PLEKHG6: variants seen among roughly 807,000 people sequenced by gnomAD.
The protein encoded by PLEKHG6 is pleckstrin homology and RhoGEF domain containing G6.
A neutral mutation model predicts 97.5 loss-of-function variants in PLEKHG6; 91 were observed. The ratio of observed to expected loss-of-function variants is 0.93; its 90% CI spans 0.79 to 1.11. The LOEUF (loss-of-function observed/expected upper bound fraction) is 1.11, where lower values mean the gene tolerates loss of function less well. Ranked by LOEUF, PLEKHG6 falls within the 50% of genes most tolerant of loss-of-function variation. The pLI is 0.00. For synonymous variants in PLEKHG6, 466 were observed against 425.5 expected, an observed-to-expected ratio of 1.10 and a Z score of -1.17; for missense variants, 1,044 against 1,031.0, an observed-to-expected ratio of 1.01 and a Z score of -0.17.
At chr12:6,312,968 T>C in intron 2 of PLEKHG6, 3 of 1,429,702 alleles carry the variant, frequency 2.1e-6, no homozygotes, top group Non-Finnish European at 2.8e-6. Flanking sequence ...CAATGCACGA[T>C]AATTTTGCCT....
rs1037161681 is a variant in PLEKHG6 at position 6,315,271 on chromosome 12, G to T, written c.459+102G>T. The T allele has an allele frequency of 4.2e-6, 5 of 1,189,450 alleles. No individual in the cohort carries two copies. Among genetic ancestry groups the T allele is most frequent in the Non-Finnish European group, 5.8e-6 (5 of 860,624 alleles). 73.7% of individuals were successfully genotyped at this position (1,189,450 alleles called of 1,614,324 possible). A position where few individuals can be genotyped will look rare whatever the true frequency, so the allele number is the denominator to read the frequency against. On this transcript the variant is annotated intron_variant, in intron 4 of 15. Coordinates refer to ENST00000684764, the MANE Select transcript of PLEKHG6 (RefSeq NM_001384598.1). This position sits in a 1 kb window ranked among gnomAD's most constrained non-coding sequence, Gnocchi z 4.5. ...AGGCCTTGGGAAGTGGGGTCATGTG[G>T]AAAAAACATCTGGAAACGCGTTGAT...
In PLEKHG6 at chr12:6,327,484, A is replaced by ACCCCCCC; in HGVS notation, c.1904_1905insCCCCCCC (p.Asp637ProfsTer35). 1 of 333,534 alleles carries ACCCCCCC rather than the reference A, an allele frequency of 3.0e-6. No homozygotes were observed. The highest frequency in any genetic ancestry group is 2.5e-5 in the South Asian group (1 of 40,120). 20.7% of individuals were successfully genotyped at this position (333,534 alleles called of 1,614,324 possible). Reference sequence around the variant, plus strand: ...CTCCGGGACATCCCTCTGCGTCCCCACCCTCCCGACCCCCAAGCTCCTCAA... The same window carrying ACCCCCCC: ...CTCCGGGACATCCCTCTGCGTCCCCACCCCCCCCCCTCCCGACCCCCAAGCTCCTCAA... On this transcript the variant is annotated frameshift_variant, in exon 15 of 16. Transcript: ENST00000684764. LOFTEE classifies it high-confidence loss of function.
chr12:6,318,806 C>T lies in PLEKHG6; in HGVS notation c.1337C>T (p.Ala446Val), dbSNP rs374722336. 49 of 1,614,050 alleles carry T rather than the reference C, an allele frequency of 3.0e-5. No individual in the cohort carries two copies. Among genetic ancestry groups the T allele is most frequent in the Non-Finnish European group, 3.8e-5 (45 of 1,180,008 alleles). The change falls in exon 12 of 16, where the codon GCG (alanine) becomes GTG (valine). Residue 446 changes from alanine to valine, a missense_variant. Ala to Val is a moderately conservative substitution (Grantham distance 64). Coordinates refer to ENST00000684764, the MANE Select transcript of PLEKHG6 (RefSeq NM_001384598.1). Reference sequence around the variant, plus strand: ...CTTGTGACCAAGCCCCAGCGCAAGGCGGACAAAGCCAAGGTCATCCGACCC... The same window carrying T: ...CTTGTGACCAAGCCCCAGCGCAAGGTGGACAAAGCCAAGGTCATCCGACCC... ...VLLVTKPQRK[A>V]DKAKVIRPPL...
Position 6,315,001 on chromosome 12 carries a change from C to T in PLEKHG6, c.295-4C>T, listed in dbSNP as rs199752767. On this transcript the variant is annotated splice_region_variant and splice_polypyrimidine_tract_variant and intron_variant, in intron 3 of 15. Coordinates refer to ENST00000684764, the MANE Select transcript of PLEKHG6 (RefSeq NM_001384598.1). This position sits in a 1 kb window ranked among gnomAD's most constrained non-coding sequence, Gnocchi z 4.5. ...AGAGCTGATGCCCTTCTCGGCTCCCCCAGGAACTCACCAAGGCCCATGAGC... is the reference window on the plus strand; with the variant it reads ...AGAGCTGATGCCCTTCTCGGCTCCCTCAGGAACTCACCAAGGCCCATGAGC... The T allele has an allele frequency of 9.3e-6, 15 of 1,612,788 alleles. No homozygotes were observed. In the African/African-American group the frequency reaches 1.7e-4, roughly 19 times the overall value.
intron 13 of PLEKHG6, among the ~76,000 whole-genome samples, chr12:6,324,920 G>A (rs957648681): frequency 3.9e-5 from 6 of 152,140 alleles, no homozygotes; most frequent in African/African-American, 1.2e-4. Flanking sequence ...AGAAAGGAGC[G>A]CTGCACTAGA....
chr12:6,312,956 C>G (rs1947325158), intron 2 of PLEKHG6: 6 of 1,424,616 alleles, frequency 4.2e-6, no homozygotes, highest in Non-Finnish European at 4.6e-6. Flanking sequence ...CATCCCCTGC[C>G]TCAATGCACG....
At chr12:6,320,066 G>A (rs1447239352) in intron 13 of PLEKHG6, among the ~76,000 whole-genome samples, 1 of 152,198 alleles carries the variant, frequency 6.6e-6, no homozygotes, top group Non-Finnish European at 1.5e-5. Context: ...AAACAGTTGT[G>A]TGTGTTGAGA....
At chr12:6,322,881 A>G (rs1416069565) in intron 13 of PLEKHG6, among the ~76,000 whole-genome samples, 1 of 147,748 alleles carries the variant, frequency 6.8e-6, no homozygotes. Context: ...ACCTTGTCTA[A>G]AAAAAAAAAA....
chr12:6,313,749 G>T lies in PLEKHG6; in HGVS notation c.259G>T (p.Val87Leu). The change falls in exon 3 of 16, where the codon GTG becomes TTG. Residue 87 changes from valine (V) to leucine (L), a missense_variant. Transcript: ENST00000684764. ...PEPEKRHGGH[V>L]GAGLLHSPKL... ...GCCCGAGAAGAGGCACGGGGGCCAT[G>T]TGGGGGCTGGCCTGCTTCACTCCCC... is the stretch of plus-strand genomic sequence containing the variant. 6.2e-7 allele frequency: 1 copy of T among 1,606,694 alleles called. No individual in the cohort carries two copies. The highest frequency in any genetic ancestry group is 1.1e-5 in the South Asian group (1 of 90,192).
Position 6,312,669 on chromosome 12 carries a change from C to G in PLEKHG6, c.138+305C>G, listed in dbSNP as rs1002141734. The G allele has an allele frequency of 2.5e-6, 3 of 1,193,930 alleles. No individual in the cohort carries two copies. The African/African-American group carries it at 4.8e-5, about 19-fold the overall frequency. The allele number at this position is 1,193,930 out of a possible 1,614,324, so 74.0% of individuals were successfully genotyped here. On this transcript the variant is annotated intron_variant, in intron 2 of 15. Coordinates refer to ENST00000684764, the MANE Select transcript of PLEKHG6 (RefSeq NM_001384598.1). ...TAAGGTCATCAAACCCCAGAGCTGGCGCCTCCCAGGCTCCCGCCTCTGCTT... is the reference window on the plus strand; with the variant it reads ...TAAGGTCATCAAACCCCAGAGCTGGGGCCTCCCAGGCTCCCGCCTCTGCTT...
chr12:6,311,268 C>T (rs367683876), intron 1 of PLEKHG6, among the ~76,000 whole-genome samples: 1 of 152,296 alleles, frequency 6.6e-6, no homozygotes, highest in African/African-American at 2.4e-5. Flanking sequence ...CACGCCTGGC[C>T]CCCAGCTCCA....
chr12:6,320,479 G>A (rs1018345699), intron 13 of PLEKHG6, among the ~76,000 whole-genome samples: 5 of 152,008 alleles, frequency 3.3e-5, no homozygotes, highest in African/African-American at 1.2e-4. Flanking sequence ...TGCCCCAGGC[G>A]TTCCGTGGCT....
chr12:6,317,179 T>C, intron 7 of PLEKHG6, 124 bp from the exon 8 acceptor site: 2 of 648,788 alleles, frequency 3.1e-6, no homozygotes, highest in East Asian at 2.7e-5. Context: ...GGAGGGACTG[T>C]CAGGAGCTGG....
chr12:6,321,547 A>G (rs1239605274), intron 13 of PLEKHG6, among the ~76,000 whole-genome samples: 1 of 151,976 alleles, frequency 6.6e-6, no homozygotes, highest in Non-Finnish European at 1.5e-5. Context: ...GACCTAAAGA[A>G]GAGGGAAGAG....
intron 15 of PLEKHG6, 43 bp from the exon 16 acceptor site, chr12:6,328,093 G>A (rs772817919): frequency 9.9e-6 from 16 of 1,613,272 alleles, no homozygotes; most frequent in African/African-American, 2.7e-5. Context: ...ACCCTCACCC[G>A]TTGCCACTGA....
At position 6,327,774 on chromosome 12, in the gene PLEKHG6, C is replaced by A; in HGVS notation, c.2191C>A (p.Arg731Ser). Residue 731 changes from arginine (R) to serine (S), a missense_variant, in exon 15 of 16, where the codon CGC (arginine) becomes AGC (serine). Transcript: ENST00000684764. ...LFLKAGHTSL[R>S]PMRAEDMLRE... ...CCTGAAAGCTGGCCACACATCCCTG[C>A]GCCCAATGCGGGCTGAGGACATGCT... is the stretch of plus-strand genomic sequence containing the variant. The A allele has an allele frequency of 6.5e-7, 1 of 1,532,118 alleles. No homozygotes were observed. 94.9% of individuals were successfully genotyped at this position (1,532,118 alleles called of 1,614,324 possible). A position where few individuals can be genotyped will look rare whatever the true frequency, so the allele number is the denominator to read the frequency against.
At chr12:6,313,881 C>CTGAGAA in intron 3 of PLEKHG6, 97 bp downstream of exon 3, 2 of 1,173,944 alleles carry the variant, frequency 1.7e-6, no homozygotes, top group Non-Finnish European at 2.4e-6. Context: ...GAACACAGGT[C>CTGAGAA]CAGGAGGCTG....
At position 6,316,318 on chromosome 12, in the gene PLEKHG6, G is replaced by A. The variant is rs2136738714; in HGVS notation, c.670G>A (p.Asp224Asn). 6.4e-7 allele frequency: 1 copy of A among 1,558,774 alleles called. No homozygotes were observed. The highest frequency in any genetic ancestry group is 8.7e-7 in the Non-Finnish European group (1 of 1,150,442). The change falls in exon 7 of 16, where the codon GAT (aspartate) becomes AAT (asparagine). Residue 224 changes from aspartate (D) to asparagine (N), a missense_variant. Physicochemically the swap from Asp to Asn is conservative, Grantham distance 23. Transcript: ENST00000684764. This position sits in a 1 kb window ranked among gnomAD's most constrained non-coding sequence, Gnocchi z 4.1. ...SLIRTHRSFW[D>N]EVLGPTLEET... Reference sequence around the variant, plus strand: ...GATTCGAACCCACCGGAGCTTTTGGGATGAGGTGCTGGGGCCCACCCTGGA... The same window carrying A: ...GATTCGAACCCACCGGAGCTTTTGGAATGAGGTGCTGGGGCCCACCCTGGA...
intron 1 of PLEKHG6, among the ~76,000 whole-genome samples, chr12:6,311,484 C>T (rs1012577898): frequency 1.7e-4 from 26 of 152,356 alleles, no homozygotes; most frequent in African/African-American, 6.0e-4. Flanking sequence ...TCGCGGCCTA[C>T]ACCGTCTGTC....
Sources: gnomAD v4.1 joint callset for allele counts (sites outside exome capture counted in the v4.1 genomes callset) on GRCh38, gnomAD v4.1.1 for gene constraint, Gnocchi (gnomAD v3.1) non-coding constraint, MANE v1.5 for transcripts, NCBI Gene and HGNC (gene_info 2026-07-23, HGNC 2026-07-21) for gene names.